COG3: variants seen among roughly 807,000 people sequenced by gnomAD.
COG3 encodes the protein conserved oligomeric Golgi complex subunit 3.
Under a neutral mutation model 114.1 loss-of-function variants are expected in COG3, and 32 were observed. The ratio of observed to expected loss-of-function variants is 0.28; its 90% CI spans 0.21 to 0.38. The LOEUF is 0.38. COG3 is among the 10% of genes least tolerant of loss of function. The pLI, the probability that COG3 is intolerant of heterozygous loss-of-function variation, is 1.00. For synonymous variants in COG3, 352 were observed against 365.7 expected (o/e 0.96, Z 0.43); for missense variants, 813 against 973.2 (o/e 0.84, Z 2.19).
chr13:45,479,200 A>ATATG, intron 3 of COG3, 134 bp downstream of exon 3: 1 of 650,598 alleles, frequency 1.5e-6, no homozygotes, highest in Non-Finnish European at 2.6e-6. Flanking sequence ...CTTTAAGAAT[A>ATATG]GCCAGTGAGA....
chr13:45,480,399 G>A, intron 4 of COG3, 109 bp downstream of exon 4: 1 of 763,788 alleles, frequency 1.3e-6, no homozygotes. Context: ...CAACTCTGCT[G>A]TGTTTGAGGC....
At chr13:45,508,836 G>T (rs1269530398) in intron 14 of COG3, among the ~76,000 whole-genome samples, 3 of 152,128 alleles carry the variant, frequency 2.0e-5, no homozygotes, top group Admixed American at 6.5e-5. Flanking sequence ...TCCCAGTGGT[G>T]GGGGGAAGCC....
intron 4 of COG3, 134 bp from the exon 5 acceptor site, chr13:45,481,096 A>C: frequency 1.6e-6 from 1 of 638,964 alleles, no homozygotes; most frequent in African/African-American, 1.9e-5. Context: ...GATTGTAGAA[A>C]TACTTGAGCT....
chr13:45,523,305 A>G (rs1872364051), intron 19 of COG3, among the ~76,000 whole-genome samples: 1 of 152,190 alleles, frequency 6.6e-6, no homozygotes. Context: ...CTATAAACTT[A>G]AATTTTTTTT....
Position 45,478,996 on chromosome 13 carries a change from T to C in COG3, c.322-9T>C, listed in dbSNP as rs764151331. On this transcript the variant is annotated splice_polypyrimidine_tract_variant and intron_variant, in intron 2 of 22. Coordinates refer to ENST00000349995, the MANE Select transcript of COG3 (RefSeq NM_031431.4). ...GTTTTGTTCACAATATAATACTCTG[T>C]TTTTCCAGTTTTTCTCATGGTTTGC... The C allele has an allele frequency of 1.2e-6, 2 of 1,604,476 alleles. No homozygotes were observed. Among genetic ancestry groups the C allele is most frequent in the Non-Finnish European group, 1.7e-6 (2 of 1,174,202 alleles).
At chr13:45,522,567 C>T (rs891630723) in intron 19 of COG3, among the ~76,000 whole-genome samples, 1 of 152,166 alleles carries the variant, frequency 6.6e-6, no homozygotes, top group Admixed American at 6.5e-5. Context: ...ACAACATCTT[C>T]ACCTGTCTGG....
chr13:45,526,627 A>G (rs1338691578), intron 20 of COG3, among the ~76,000 whole-genome samples: 2 of 152,216 alleles, frequency 1.3e-5, no homozygotes, highest in Non-Finnish European at 2.9e-5. Flanking sequence ...TTCGTTTACC[A>G]TGATGCAGAC....
rs1435398549 is a variant in COG3 at position 45,486,332 on chromosome 13, CGGGAGACG to C, written c.844-160_844-153del. Among the ~76,000 whole-genome samples the C allele has an allele frequency of 3.7e-3, 204 of 54,850 alleles. 16 individuals carry two copies. Among genetic ancestry groups the C allele is most frequent in the East Asian group, 0.028 (42 of 1,478 alleles). The allele number at this position is 54,850 out of a possible 152,430, so 36.0% of individuals were successfully genotyped here. On this transcript the variant is annotated intron_variant, in intron 7 of 22. Coordinates refer to ENST00000349995, the MANE Select transcript of COG3 (RefSeq NM_031431.4). ...GAGACGGGAGACGGGAGACGGGAGA[CGGGAGACG>C]GGAGAGGGAGAGGGAGAGGGAGAGG...
chr13:45,515,780 G>C (rs1296098445), intron 16 of COG3, among the ~76,000 whole-genome samples: 1 of 152,232 alleles, frequency 6.6e-6, no homozygotes, highest in Non-Finnish European at 1.5e-5. Flanking sequence ...TCAGGATCCT[G>C]CTTGTTATTT....
chr13:45,534,085 T>C (rs1246902896), intron 22 of COG3, among the ~76,000 whole-genome samples: 1 of 152,220 alleles, frequency 6.6e-6, no homozygotes, highest in Non-Finnish European at 1.5e-5. Flanking sequence ...CAGTCCTCCG[T>C]TACAGAGCGG....
In COG3 at chr13:45,509,795, C is replaced by G. The variant is rs3210866; in HGVS notation, c.1698C>G (p.Ser566=). 1 of 1,613,244 alleles carries G rather than the reference C, an allele frequency of 6.2e-7. No homozygotes were observed. Among genetic ancestry groups the G allele is most frequent in the East Asian group, 2.2e-5 (1 of 44,866 alleles). ...PTVRRTLVCL[S]KLYRCIDRAV... ...TTCGAAGAACTCTTGTCTGTCTCTC[C>G]AAATTATACAGATGCATAGATGTAC... Residue 566 remains serine (S), a synonymous_variant, in exon 15 of 23, where the codon TCC becomes TCG. Transcript: ENST00000349995.
chr13:45,472,324 G>T (rs922043356), intron 1 of COG3, among the ~76,000 whole-genome samples: 5 of 151,954 alleles, frequency 3.3e-5, no homozygotes, highest in Non-Finnish European at 7.4e-5. Flanking sequence ...TGTGTATTCT[G>T]CTTGGGATTC....
intron 22 of COG3, 102 bp from the exon 23 acceptor site, chr13:45,534,600 T>A: frequency 1.4e-6 from 1 of 714,308 alleles, no homozygotes; most frequent in Non-Finnish European, 2.3e-6. Context: ...TATTGCATGA[T>A]GCTGAGGTTT....
rs750101667 is a variant in COG3 at position 45,481,238 on chromosome 13, T to C, written c.558T>C (p.Leu186=). The part of the protein sequence containing the change: ...CEQLLKEQSE[L]VDLAENIQQK... ...CTTTTAAAAAATGCAAGTCGGAACT[T>C]GTTGATCTGGCTGAAAACATTCAAC... Residue 186 remains leucine, a synonymous_variant, in exon 5 of 23, where the codon CTT becomes CTC. Coordinates refer to ENST00000349995, the MANE Select transcript of COG3 (RefSeq NM_031431.4). 1.1e-5 allele frequency: 18 copies of C among 1,588,124 alleles called. No homozygotes were observed. In the South Asian group the frequency reaches 1.6e-4, roughly 14 times the overall value.
chr13:45,486,790 T>C (rs537743270), intron 8 of COG3, among the ~76,000 whole-genome samples: 1 of 152,306 alleles, frequency 6.6e-6, no homozygotes, highest in Non-Finnish European at 1.5e-5. Flanking sequence ...CCTGTGATGC[T>C]CAGGGATGGT....
chr13:45,531,233 G>T (rs777966171), intron 22 of COG3: 23 of 190,226 alleles, frequency 1.2e-4, no homozygotes, highest in Non-Finnish European at 1.9e-4. Context: ...CCCATCACCC[G>T]AGCAGTATAC....
rs1873508515 is a variant in COG3 at position 45,535,722 on chromosome 13, C to T, written c.*991C>T. Reference sequence around the variant, plus strand: ...CCAGCTACAGCAGAATACATTTTACCAGCAAACCTAAGGATGACAAACACT... The same window carrying T: ...CCAGCTACAGCAGAATACATTTTACTAGCAAACCTAAGGATGACAAACACT... On this transcript the variant is annotated 3_prime_UTR_variant, in exon 23 of 23. Coordinates refer to ENST00000349995, the MANE Select transcript of COG3 (RefSeq NM_031431.4). The T allele has an allele frequency of 1.0e-6, 1 of 986,332 alleles. No homozygotes were observed. Among genetic ancestry groups the T allele is most frequent in the Admixed American group, 6.1e-5 (1 of 16,268 alleles). 61.1% of individuals were successfully genotyped at this position (986,332 alleles called of 1,614,324 possible).
At chr13:45,528,778 A>G (rs1464427112) in intron 20 of COG3, among the ~76,000 whole-genome samples, 12 of 152,186 alleles carry the variant, frequency 7.9e-5, no homozygotes, top group Admixed American at 2.0e-4. Context: ...TCACTATAGC[A>G]TGATTTCTTT....
At chr13:45,478,715 C>G (rs2137794965) in intron 2 of COG3, among the ~76,000 whole-genome samples, 1 of 151,834 alleles carries the variant, frequency 6.6e-6, no homozygotes, top group African/African-American at 2.4e-5. Flanking sequence ...TCTCGAACTC[C>G]CGACCTCAGG....
Sources: allele counts gnomAD v4.1 joint callset (sites outside exome capture counted in the v4.1 genomes callset), GRCh38; gene constraint gnomAD v4.1.1; transcripts MANE v1.5; gene names NCBI Gene and HGNC (gene_info 2026-07-23, HGNC 2026-07-21).